POLR3E: variants seen among roughly 807,000 people sequenced by gnomAD.
POLR3E encodes DNA-directed RNA polymerase III subunit RPC5.
Under a neutral mutation model 96.6 loss-of-function variants are expected in POLR3E, and 41 were observed. That is an observed-to-expected ratio of 0.42 (90% CI 0.33 to 0.55). The LOEUF is 0.55. Among genes scored for constraint, POLR3E ranks in the 20% least tolerant of loss-of-function variants. POLR3E has a pLI of 0.06. For synonymous variants in POLR3E, 396 were observed against 383.6 expected (o/e 1.03, Z -0.38); for missense variants, 849 against 952.1 (o/e 0.89, Z 1.43).
At chr16:22,303,123 G>A (rs2048061542) in intron 2 of POLR3E, 119 bp downstream of exon 2, 2 of 944,054 alleles carry the variant, frequency 2.1e-6, no homozygotes, top group Admixed American at 1.7e-5. Flanking sequence ...AACCCTTGCT[G>A]TTCCCTCTGC....
At chr16:22,298,728 A>G (rs1397413552) in intron 1 of POLR3E, among the ~76,000 whole-genome samples, 1 of 152,190 alleles carries the variant, frequency 6.6e-6, no homozygotes, top group Non-Finnish European at 1.5e-5. Context: ...AGTTGCTTAT[A>G]TCTGAACCTC....
chr16:22,297,794 C>T (rs2047926005), intron 1 of POLR3E, among the ~76,000 whole-genome samples: 1 of 152,248 alleles, frequency 6.6e-6, no homozygotes, highest in African/African-American at 2.4e-5. Flanking sequence ...AGGGTCCAGC[C>T]GACCTGCCCT....
chr16:22,333,026 G>C (rs960865645), intron 20 of POLR3E, among the ~76,000 whole-genome samples: 1 of 132,176 alleles, frequency 7.6e-6, no homozygotes, highest in African/African-American at 2.9e-5. Flanking sequence ...CCAGGCTAGA[G>C]TGCAGTAGCA....
At position 22,309,490 on chromosome 16, in the gene POLR3E, C is replaced by A; in HGVS notation, c.344C>A (p.Ala115Asp). 6.2e-7 allele frequency: 1 copy of A among 1,613,384 alleles called. No individual in the cohort carries two copies. ...SQTTSNTSRY[A>D]AALYRQGELH... ...ACCACCAGTAACACATCCCGTTATG[C>A]CGCTGCACTCTACAGGCAAGGTACC... The change falls in exon 6 of 21, where the codon GCC becomes GAC. Residue 115 changes from alanine (A) to aspartate (D), a missense_variant. Ala to Asp is a moderately radical substitution (Grantham distance 126). Transcript: ENST00000299853.
At position 22,297,818 on chromosome 16, in the gene POLR3E, AG is replaced by A. The variant is rs1477927645; in HGVS notation, c.-39+283del. ...CCGACCTGCCCTATCCGGGCCTGGG[AG>A]GCCTCCTACGGAAGAAACACCTGTC... On this transcript the variant is annotated intron_variant, in intron 1 of 20. Coordinates refer to ENST00000299853, the MANE Select transcript of POLR3E (RefSeq NM_018119.4). 3.3e-5 allele frequency among the ~76,000 whole-genome samples: 5 copies of A among 152,336 alleles called. No homozygotes were observed. The East Asian group carries it at 9.7e-4, about 29-fold the overall frequency.
intron 1 of POLR3E, 72 bp downstream of exon 1, chr16:22,297,609 G>C (rs1861116232): frequency 6.6e-6 from 1 of 152,496 alleles, no homozygotes; most frequent in Admixed American, 6.5e-5. Flanking sequence ...GCCTGGGCTA[G>C]ATTCCCGAGT....
Position 22,313,836 on chromosome 16 carries a change from C to A in POLR3E, c.472+109C>A. The A allele has an allele frequency of 2.6e-6, 2 of 771,250 alleles. No individual in the cohort carries two copies. 47.8% of individuals were successfully genotyped at this position (771,250 alleles called of 1,614,324 possible). A position where few individuals can be genotyped will look rare whatever the true frequency, so the allele number is the denominator to read the frequency against. ...TAGGATGTTTAGCAGGATCCCTGGC[C>A]TCTACCTACTAGATGCCAGAAGCAC... On this transcript the variant is annotated intron_variant, in intron 7 of 20. Coordinates refer to ENST00000299853, the MANE Select transcript of POLR3E (RefSeq NM_018119.4). The surrounding 1 kb of genome is among the most constrained non-coding windows in gnomAD (Gnocchi z 4.1).
At chr16:22,299,000 T>C (rs913087910) in intron 1 of POLR3E, 1 of 455,912 alleles carries the variant, frequency 2.2e-6, no homozygotes, top group African/African-American at 2.0e-5. Context: ...TTACGTTCTA[T>C]TGCAGAAGAC....
At chr16:22,323,031 TGGAGGCGGGTGTGTGA>T in intron 14 of POLR3E, 100 bp downstream of exon 14, 1 of 746,104 alleles carries the variant, frequency 1.3e-6, no homozygotes, top group Non-Finnish European at 2.3e-6. Context: ...AGGCTCCAGG[TGGAGGCGGGTGTGTGA>T]GGAGGCCCTG....
intron 14 of POLR3E, 102 bp from the exon 15 acceptor site, chr16:22,324,252 C>T (rs2048530234): frequency 2.2e-6 from 2 of 893,228 alleles, no homozygotes; most frequent in African/African-American, 3.3e-5. Flanking sequence ...GAGCCTAGGA[C>T]TGTCCCAGGC....
chr16:22,302,818 G>A lies in POLR3E; in HGVS notation c.-38-113G>A, dbSNP rs374423645. 2.2e-3 allele frequency: 1,621 copies of A among 745,676 alleles called. 47 individuals are homozygous for A. The South Asian group carries it at 0.022, about 10-fold the overall frequency. 46.2% of individuals were successfully genotyped at this position (745,676 alleles called of 1,614,324 possible). On this transcript the variant is annotated intron_variant, in intron 1 of 20. Transcript: ENST00000299853. ...ACTTCAATGTAGATGTAGAAAGAAG[G>A]TCAGTTGGTTGGTTGTGGGCTCCCC...
Position 22,314,063 on chromosome 16 carries a change from C to T in POLR3E, c.473-16C>T. On this transcript the variant is annotated splice_polypyrimidine_tract_variant and intron_variant, in intron 7 of 20. Coordinates refer to ENST00000299853, the MANE Select transcript of POLR3E (RefSeq NM_018119.4). ...GGCTCCCCAGGACTGCAGTCAGTGG[C>T]TTGTCTCTCTTGCAGCAGGGGACTC... is the stretch of plus-strand genomic sequence containing the variant. 1 of 1,612,452 alleles carries T rather than the reference C, an allele frequency of 6.2e-7. No homozygotes were observed. The highest frequency in any genetic ancestry group is 1.3e-5 in the African/African-American group (1 of 74,998).
rs1472876327 is a variant in POLR3E at position 22,313,021 on chromosome 16, A to G, written c.365-599A>G. 2.0e-5 allele frequency among the ~76,000 whole-genome samples: 3 copies of G among 152,184 alleles called. No homozygotes were observed. Among genetic ancestry groups the G allele is most frequent in the Non-Finnish European group, 4.4e-5 (3 of 68,036 alleles). ...AACTCGCGCGTTCTGTTTAGAACCC[A>G]TGTCTCAAGCATGTAATTCTTGAAA... On this transcript the variant is annotated intron_variant, in intron 6 of 20. Transcript: ENST00000299853. This position sits in a 1 kb window ranked among gnomAD's most constrained non-coding sequence, Gnocchi z 4.1.
At chr16:22,298,520 A>T (rs1335432094) in intron 1 of POLR3E, among the ~76,000 whole-genome samples, 1 of 152,174 alleles carries the variant, frequency 6.6e-6, no homozygotes, top group Non-Finnish European at 1.5e-5. Flanking sequence ...CCAAACCCAG[A>T]CAACTCAGGT....
At chr16:22,324,298 C>G in intron 14 of POLR3E, 56 bp from the exon 15 acceptor site, 1 of 1,451,730 alleles carries the variant, frequency 6.9e-7, no homozygotes, top group Non-Finnish European at 9.7e-7. Flanking sequence ...GTTCCCGGGA[C>G]AGTCCTGGGA....
At chr16:22,305,062 A>T (rs536181146) in intron 2 of POLR3E, 94 bp from the exon 3 acceptor site, 43 of 939,098 alleles carry the variant, frequency 4.6e-5, no homozygotes, top group Non-Finnish European at 6.5e-5. Context: ...TCCCTGAGCC[A>T]CTGCCCTTAA....
rs145375611 is a variant in POLR3E, at chr16:22,334,589, G to C, written c.*889G>C. On this transcript the variant is annotated 3_prime_UTR_variant, in exon 21 of 21. Coordinates refer to ENST00000299853, the MANE Select transcript of POLR3E (RefSeq NM_018119.4). ...GCGAGTCACGTACATAATTTTGAAA[G>C]TTTCTAGCAACCACATTAGTTTAAA... The C allele has an allele frequency of 6.6e-6, 1 of 152,312 alleles. No homozygotes were observed. Among genetic ancestry groups the C allele is most frequent in the East Asian group, 1.9e-4 (1 of 5,186 alleles). 9.4% of individuals were successfully genotyped at this position (152,312 alleles called of 1,614,324 possible).
Position 22,325,792 on chromosome 16 carries a change from G to A in POLR3E, c.1380G>A (p.Arg460=), listed in dbSNP as rs530755662. The A allele has an allele frequency of 7.4e-5, 118 of 1,594,154 alleles. 4 individuals carry two copies. The South Asian group carries it at 1.3e-3, about 18-fold the overall frequency. Reference sequence around the variant, plus strand: ...CCGGGCTGGTCTGTGGGGACCAGCGGATCCAAGTAGCCAAAACCAAGGCCC... The same window carrying A: ...CCGGGCTGGTCTGTGGGGACCAGCGAATCCAAGTAGCCAAAACCAAGGCCC... ...GPAGLVCGDQ[R]IQVAKTKAQQ... is the part of the protein sequence containing the mutation. The change falls in exon 18 of 21, where the codon CGG becomes CGA. Residue 460 remains arginine (R), a synonymous_variant. Coordinates refer to ENST00000299853, the MANE Select transcript of POLR3E (RefSeq NM_018119.4).
At position 22,318,471 on chromosome 16, in the gene POLR3E, G is replaced by A. The variant is rs2048404582; in HGVS notation, c.866-355G>A. Among the ~76,000 whole-genome samples, 1 of 152,190 alleles carries A rather than the reference G, an allele frequency of 6.6e-6. No individual in the cohort carries two copies. Among genetic ancestry groups the A allele is most frequent in the African/African-American group, 2.4e-5 (1 of 41,444 alleles). ...AGCACAGTGATTGAGGGTACCAAGT[G>A]GAGCCAAGTGGCTTGGGTTCACTTC... is the stretch of plus-strand genomic sequence containing the variant. On this transcript the variant is annotated intron_variant, in intron 12 of 20. Transcript: ENST00000299853. The surrounding 1 kb of genome is among the most constrained non-coding windows in gnomAD (Gnocchi z 5.0).
Sources: allele counts gnomAD v4.1 joint callset (sites outside exome capture counted in the v4.1 genomes callset), GRCh38; gene constraint gnomAD v4.1.1; non-coding constraint Gnocchi (gnomAD v3.1); transcripts MANE v1.5; gene names NCBI Gene and HGNC (gene_info 2026-07-23, HGNC 2026-07-21).